Variants in BABAM2 observed in about 807,000 individuals in gnomAD.
BABAM2 encodes BRISC and BRCA1 A complex member 2.
A neutral mutation model predicts 54.7 loss-of-function variants in BABAM2; 31 were observed. The observed-to-expected ratio is 0.57, with a 90% confidence interval of 0.43 to 0.77. BABAM2 has a LOEUF of 0.77. Ranked by LOEUF, BABAM2 falls within the 30% of genes least tolerant of loss-of-function variation. The probability of loss-of-function intolerance (pLI) is 0.00; values close to 1 mark genes in which losing one functional copy is unlikely to be tolerated. For missense variants in BABAM2, 364 were observed against 455.8 expected (o/e 0.80, Z 1.83); for synonymous variants, 167 against 162.9 (o/e 1.03, Z -0.19).
chr2:28,056,826 G>A (rs1911127), intron 6 of BABAM2, among the ~76,000 whole-genome samples: 111,029 of 152,074 alleles, frequency 0.73, 41,688 homozygotes, highest in Middle Eastern at 0.89. Flanking sequence ...TATTTATTGT[G>A]TCACTTATTA....
At chr2:28,078,064 TTTG>T (rs1664844300) in intron 6 of BABAM2, among the ~76,000 whole-genome samples, 1 of 152,074 alleles carries the variant, frequency 6.6e-6, no homozygotes, top group South Asian at 2.1e-4. Flanking sequence ...CATTTTAAAG[TTTG>T]TACTCTTCTG....
chr2:28,289,024 GC>G (rs1687060627), intron 10 of BABAM2, among the ~76,000 whole-genome samples: 1 of 145,994 alleles, frequency 6.8e-6, no homozygotes. Context: ...TTTAACAAAT[GC>G]CCCCATTTTC....
intron 3 of BABAM2, among the ~76,000 whole-genome samples, chr2:27,952,792 A>T (rs1465920700): frequency 6.6e-6 from 1 of 152,190 alleles, no homozygotes; most frequent in Non-Finnish European, 1.5e-5. Context: ...TTCAGGGGAA[A>T]CAATTGTGTA....
intron 6 of BABAM2, among the ~76,000 whole-genome samples, chr2:28,103,474 A>G (rs1322821039): frequency 6.6e-6 from 1 of 152,002 alleles, no homozygotes; most frequent in Non-Finnish European, 1.5e-5. Flanking sequence ...ATGCTCGGCT[A>G]ATTTTTGTAT....
intron 7 of BABAM2, among the ~76,000 whole-genome samples, chr2:28,149,674 C>T (rs937622892): frequency 1.3e-5 from 2 of 152,136 alleles, no homozygotes; most frequent in African/African-American, 4.8e-5. Flanking sequence ...TTGCCACTTC[C>T]TTTAGCTCTG....
intron 7 of BABAM2, among the ~76,000 whole-genome samples, chr2:28,220,402 T>G (rs1038504397): frequency 2.6e-5 from 4 of 152,242 alleles, no homozygotes; most frequent in Non-Finnish European, 5.9e-5. Flanking sequence ...ATGTGTTAGC[T>G]GCTATTGATG....
At chr2:28,060,468 T>G (rs1051626981) in intron 6 of BABAM2, among the ~76,000 whole-genome samples, 2 of 152,132 alleles carry the variant, frequency 1.3e-5, no homozygotes, top group Non-Finnish European at 2.9e-5. Flanking sequence ...CTCACCATTC[T>G]ATTCAGTACT....
intron 4 of BABAM2, among the ~76,000 whole-genome samples, chr2:27,997,306 A>C (rs1462752487): frequency 1.3e-5 from 2 of 152,148 alleles, no homozygotes; most frequent in Non-Finnish European, 2.9e-5. Flanking sequence ...GACCCAAGAG[A>C]ATATGAGAAA....
chr2:28,061,314 G>A (rs1337605583), intron 6 of BABAM2, among the ~76,000 whole-genome samples: 14 of 151,864 alleles, frequency 9.2e-5, no homozygotes, highest in African/African-American at 3.4e-4. Flanking sequence ...GGCCTGGTGC[G>A]GTGGCTCATG....
At chr2:28,331,157 A>G (rs1443538543) in intron 11 of BABAM2, among the ~76,000 whole-genome samples, 2 of 152,230 alleles carry the variant, frequency 1.3e-5, no homozygotes, top group African/African-American at 4.8e-5. Context: ...CTTACACCTC[A>G]TACAAAAATT....
chr2:28,034,599 A>G (rs1475538507), intron 5 of BABAM2, among the ~76,000 whole-genome samples: 1 of 152,162 alleles, frequency 6.6e-6, no homozygotes, highest in East Asian at 1.9e-4. Flanking sequence ...TGTAGAGAGC[A>G]AGGTAAAAGT....
intron 7 of BABAM2, among the ~76,000 whole-genome samples, chr2:28,157,849 T>C (rs1244555508): frequency 6.6e-6 from 1 of 152,194 alleles, no homozygotes; most frequent in Non-Finnish European, 1.5e-5. Context: ...GACCTCGTGA[T>C]CTGCCAGCCT....
intron 7 of BABAM2, among the ~76,000 whole-genome samples, chr2:28,149,075 G>A (rs777182068): frequency 6.6e-6 from 1 of 152,192 alleles, no homozygotes. Flanking sequence ...ACAGTAAAGA[G>A]AGAATGCTAA....
intron 10 of BABAM2, among the ~76,000 whole-genome samples, chr2:28,297,126 C>T (rs1213999856): frequency 6.6e-6 from 1 of 152,178 alleles, no homozygotes; most frequent in African/African-American, 2.4e-5. Context: ...ATGCCAGTGT[C>T]CTCTGGAGTA....
chr2:28,082,870 A>G (rs1665300016), intron 6 of BABAM2, among the ~76,000 whole-genome samples: 1 of 152,036 alleles, frequency 6.6e-6, no homozygotes, highest in Admixed American at 6.6e-5. Flanking sequence ...ACTTCTCCTG[A>G]TATACTGTGA....
At chr2:28,012,691 G>A (rs915150598) in intron 4 of BABAM2, among the ~76,000 whole-genome samples, 2 of 152,150 alleles carry the variant, frequency 1.3e-5, no homozygotes, top group African/African-American at 4.8e-5. Context: ...TCTAATGCGT[G>A]TTTTGGAAAA....
intron 6 of BABAM2, among the ~76,000 whole-genome samples, chr2:28,128,301 A>C (rs530585122): frequency 9.2e-5 from 14 of 152,342 alleles, no homozygotes; most frequent in Admixed American, 9.1e-4. Context: ...AAATTTTTAT[A>C]TTTGACTTGG....
chr2:27,900,338 A>G lies in BABAM2; in HGVS notation c.128+5654A>G, dbSNP rs537341032. On this transcript the variant is annotated intron_variant, in intron 2 of 11. Coordinates refer to ENST00000379624, the MANE Select transcript of BABAM2 (RefSeq NM_199191.3). ...ATTCTAGATCTGGTTCATAGGAGAA[A>G]TAGGCAAGAACCTAATCGAAGCAAG... 2.0e-5 allele frequency among the ~76,000 whole-genome samples: 3 copies of G among 152,264 alleles called. No homozygotes were observed. In the East Asian group the frequency reaches 5.8e-4, roughly 29 times the overall value.
At chr2:28,225,402 T>C (rs1680793515) in intron 7 of BABAM2, among the ~76,000 whole-genome samples, 1 of 152,184 alleles carries the variant, frequency 6.6e-6, no homozygotes, top group African/African-American at 2.4e-5. Context: ...AGCATCAGAA[T>C]CGAAAGGAGG....
Sources: gnomAD v4.1 joint callset for allele counts (sites outside exome capture counted in the v4.1 genomes callset) on GRCh38, gnomAD v4.1.1 for gene constraint, MANE v1.5 for transcripts, NCBI Gene and HGNC (gene_info 2026-07-23, HGNC 2026-07-21) for gene names.